Variants in KIRREL3 observed in about 807,000 individuals in gnomAD.
KIRREL3 encodes the protein kin of IRRE-like protein 3.
A neutral mutation model predicts 89.7 loss-of-function variants in KIRREL3; 36 were observed. That is an observed-to-expected ratio of 0.40 (90% confidence interval 0.31 to 0.53). The LOEUF (loss-of-function observed/expected upper bound fraction) is 0.53. Among genes scored for constraint, KIRREL3 ranks in the 20% least tolerant of loss-of-function variants. KIRREL3 has a pLI of 0.49. For synonymous variants in KIRREL3, 445 were observed against 441.4 expected, an observed-to-expected ratio of 1.01 and a Z score of -0.10; for missense variants, 864 against 1,056.6, an observed-to-expected ratio of 0.82 and a Z score of 2.53.
At chr11:126,841,331 A>C (rs902341644) in intron 1 of KIRREL3, among the ~76,000 whole-genome samples, 1 of 152,308 alleles carries the variant, frequency 6.6e-6, no homozygotes, top group Non-Finnish European at 1.5e-5. Context: ...CCCTAGGCAG[A>C]GCGAGGCGTG....
At chr11:126,707,013 G>A (rs1308229295) in intron 1 of KIRREL3, among the ~76,000 whole-genome samples, 1 of 151,182 alleles carries the variant, frequency 6.6e-6, no homozygotes, top group African/African-American at 2.4e-5. Context: ...GAATGCAATG[G>A]TGTGATCATA....
At position 126,689,346 on chromosome 11, in the gene KIRREL3, T is replaced by C. The variant is rs899521681; in HGVS notation, c.56-126434A>G. Among the ~76,000 whole-genome samples, 1 of 152,214 alleles carries C rather than the reference T, an allele frequency of 6.6e-6. No homozygotes were observed. The highest frequency in any genetic ancestry group is 1.5e-5 in the Non-Finnish European group (1 of 68,042). ...TTGGAAGATGAGGCTGACCAGGCCA[T>C]GGAGCTGCCCAGACCCCCTGGGAGC... On this transcript the variant is annotated intron_variant, in intron 1 of 16. Transcript: ENST00000525144. The surrounding 1 kb of genome is among the most constrained non-coding windows in gnomAD (Gnocchi z 5.2).
intron 1 of KIRREL3, among the ~76,000 whole-genome samples, chr11:126,840,587 A>G (rs899323501): frequency 1.3e-5 from 2 of 152,178 alleles, no homozygotes; most frequent in Non-Finnish European, 2.9e-5. Flanking sequence ...GTGGACTGAA[A>G]ATATATGTGG....
At position 126,431,223 on chromosome 11, in the gene KIRREL3, A is replaced by C; in HGVS notation, c.1696+196T>G. 6.6e-7 allele frequency: 1 copy of C among 1,508,424 alleles called. No individual in the cohort carries two copies. Among genetic ancestry groups the C allele is most frequent in the Non-Finnish European group, 8.9e-7 (1 of 1,123,394 alleles). 93.4% of individuals were successfully genotyped at this position (1,508,424 alleles called of 1,614,324 possible). A position where few individuals can be genotyped will look rare whatever the true frequency, so the allele number is the denominator to read the frequency against. On this transcript the variant is annotated intron_variant, in intron 14 of 16. Transcript: ENST00000525144. This position sits in a 1 kb window ranked among gnomAD's most constrained non-coding sequence, Gnocchi z 7.1. Reference sequence around the variant, plus strand: ...GTCTAGTCCAGGTCAACCTCAGCCTAGCGCCCACTCTGCCAGGCGCCATGT... The same window carrying C: ...GTCTAGTCCAGGTCAACCTCAGCCTCGCGCCCACTCTGCCAGGCGCCATGT...
At position 126,473,415 on chromosome 11, in the gene KIRREL3, G is replaced by A. The variant is rs200090559; in HGVS notation, c.485C>T (p.Ala162Val). Residue 162 changes from alanine (A) to valine (V), a missense_variant, in exon 5 of 17, where the codon GCG becomes GTG. Physicochemically the swap from Ala to Val is moderately conservative, Grantham distance 64. Transcript: ENST00000525144. The part of the protein sequence containing the change: ...ILGGPVISLR[A>V]GDPLNLTCHA... ...GCAGGTGAGGTTGAGAGGGTCCCCC[G>A]CACGCAGGCTGATCACAGGGCCCCC... 30 of 1,583,010 alleles carry A rather than the reference G, an allele frequency of 1.9e-5. No individual in the cohort carries two copies. The highest frequency in any genetic ancestry group is 1.9e-4 in the African/African-American group (14 of 73,894).
Position 126,763,574 on chromosome 11 carries a change from C to T in KIRREL3, c.56-200662G>A, listed in dbSNP as rs1202664054. On this transcript the variant is annotated intron_variant, in intron 1 of 16. Transcript: ENST00000525144. This position sits in a 1 kb window ranked among gnomAD's most constrained non-coding sequence, Gnocchi z 4.7. The stretch of plus-strand genomic sequence containing the variant: ...GGAACAAGTTACCCAAGAAATGTGC[C>T]CAGGCTGAGGGACCAAGGCCCAGCG... Among the ~76,000 whole-genome samples, 1 of 152,150 alleles carries T rather than the reference C, an allele frequency of 6.6e-6. No individual in the cohort carries two copies. The highest frequency in any genetic ancestry group is 1.5e-5 in the Non-Finnish European group (1 of 68,026).
In KIRREL3 at chr11:126,610,586, G is replaced by A. The variant is rs892185445; in HGVS notation, c.56-47674C>T. On this transcript the variant is annotated intron_variant, in intron 1 of 16. Transcript: ENST00000525144. This position sits in a 1 kb window ranked among gnomAD's most constrained non-coding sequence, Gnocchi z 4.6. ...GGCGTAGAGCACTCAACAAATGCCAGGCACTGGGGCTATAATCACATGGGG... is the reference window on the plus strand; with the variant it reads ...GGCGTAGAGCACTCAACAAATGCCAAGCACTGGGGCTATAATCACATGGGG... The A allele has an allele frequency of 3.3e-5, 5 of 152,236 alleles. No individual in the cohort carries two copies. The highest frequency in any genetic ancestry group is 1.2e-4 in the African/African-American group (5 of 41,452). The allele number at this position is 152,236 out of a possible 1,614,324, so 9.4% of individuals were successfully genotyped here. A position where few individuals can be genotyped will look rare whatever the true frequency, so the allele number is the denominator to read the frequency against.
At chr11:126,935,660 A>G (rs1483471360) in intron 1 of KIRREL3, 5 of 152,228 alleles carry the variant, frequency 3.3e-5, no homozygotes, top group Admixed American at 6.5e-5. Context: ...TTCCAACTAG[A>G]TGATATTCTG....
intron 4 of KIRREL3, among the ~76,000 whole-genome samples, 185 bp from the exon 5 acceptor site, chr11:126,473,651 G>A (rs978855516): frequency 3.3e-5 from 5 of 152,188 alleles, no homozygotes; most frequent in African/African-American, 4.8e-5. Context: ...TGTGCACTGC[G>A]TGCTTACAGT....
At chr11:126,631,704 G>A (rs1197382287) in intron 1 of KIRREL3, among the ~76,000 whole-genome samples, 1 of 152,166 alleles carries the variant, frequency 6.6e-6, no homozygotes, top group African/African-American at 2.4e-5. Flanking sequence ...ACTTTTGTTA[G>A]CACTTTGTAG....
Position 126,562,711 on chromosome 11 carries a change from T to C in KIRREL3, c.133+124A>G, listed in dbSNP as rs1357687678. 2.9e-5 allele frequency: 20 copies of C among 691,344 alleles called. No homozygotes were observed. Among genetic ancestry groups the C allele is most frequent in the Non-Finnish European group, 4.2e-5 (17 of 409,472 alleles). 42.8% of individuals were successfully genotyped at this position (691,344 alleles called of 1,614,324 possible). ...AATGGCTTCATGGAAACCAAACTGGTCTTCCCACTGTCCCCTTCTGAGAGG... is the reference window on the plus strand; with the variant it reads ...AATGGCTTCATGGAAACCAAACTGGCCTTCCCACTGTCCCCTTCTGAGAGG... On this transcript the variant is annotated intron_variant, in intron 2 of 16. Transcript: ENST00000525144. The surrounding 1 kb of genome is among the most constrained non-coding windows in gnomAD (Gnocchi z 4.7).
intron 1 of KIRREL3, among the ~76,000 whole-genome samples, chr11:126,673,004 T>C (rs965677030): frequency 2.5e-4 from 38 of 152,358 alleles, no homozygotes; most frequent in Admixed American, 1.2e-3. Context: ...CCTCATCTCC[T>C]GGCCCTCCTC....
rs566631138 is a variant in KIRREL3 at position 126,613,645 on chromosome 11, C to T, written c.56-50733G>A. 2.0e-5 allele frequency among the ~76,000 whole-genome samples: 3 copies of T among 152,066 alleles called. No homozygotes were observed. In the East Asian group the frequency reaches 5.8e-4, roughly 29 times the overall value. On this transcript the variant is annotated intron_variant, in intron 1 of 16. Transcript: ENST00000525144. ...TCTTCTATTAGGTGAAAGAATATTG[C>T]AGTAGAGAAAGAAGGAAAAAGAAAA...
intron 1 of KIRREL3, among the ~76,000 whole-genome samples, chr11:126,822,981 G>A (rs1441237880): frequency 6.6e-6 from 1 of 152,166 alleles, no homozygotes; most frequent in Non-Finnish European, 1.5e-5. Context: ...ACCTCTTAAA[G>A]GGAGGAATGT....
At position 126,645,139 on chromosome 11, in the gene KIRREL3, C is replaced by T. The variant is rs139381528; in HGVS notation, c.56-82227G>A. Among the ~76,000 whole-genome samples, 148 of 152,026 alleles carry T rather than the reference C, an allele frequency of 9.7e-4. No individual in the cohort carries two copies. The highest frequency in any genetic ancestry group is 2.5e-3 in the African/African-American group (105 of 41,454). On this transcript the variant is annotated intron_variant, in intron 1 of 16. Coordinates refer to ENST00000525144, the MANE Select transcript of KIRREL3 (RefSeq NM_032531.4). This position sits in a 1 kb window ranked among gnomAD's most constrained non-coding sequence, Gnocchi z 4.9. The stretch of plus-strand genomic sequence containing the variant: ...TATCGCAAGAGGGGTGCAGACTGGG[C>T]GTTATGAAGGAAAAAGCTGGAGGAA...
chr11:126,852,201 G>T (rs139959138), intron 1 of KIRREL3, among the ~76,000 whole-genome samples: 1 of 151,946 alleles, frequency 6.6e-6, no homozygotes, highest in Admixed American at 6.6e-5. Context: ...CCACAGGTGC[G>T]TGCCACCACG....
chr11:126,923,174 TTC>T (rs771251937), intron 1 of KIRREL3, among the ~76,000 whole-genome samples: 7,393 of 19,196 alleles, frequency 0.39, 2,317 homozygotes, highest in Middle Eastern at 0.57. Context: ...CTTCTTCTTC[TTC>T]TCTTCTTCTT....
intron 1 of KIRREL3, among the ~76,000 whole-genome samples, chr11:126,675,233 C>T (rs1946134685): frequency 6.6e-6 from 1 of 152,208 alleles, no homozygotes; most frequent in African/African-American, 2.4e-5. Flanking sequence ...AATGATCTGA[C>T]CTTCTATGTT....
intron 1 of KIRREL3, among the ~76,000 whole-genome samples, chr11:126,781,095 G>A (rs976243028): frequency 2.0e-5 from 3 of 152,272 alleles, no homozygotes; most frequent in Non-Finnish European, 2.9e-5. Context: ...GTGTGGACGT[G>A]CATGTGGTGT....
Sources: gnomAD v4.1 joint callset for allele counts (sites outside exome capture counted in the v4.1 genomes callset) on GRCh38, gnomAD v4.1.1 for gene constraint, Gnocchi (gnomAD v3.1) non-coding constraint, MANE v1.5 for transcripts, NCBI Gene and HGNC (gene_info 2026-07-23, HGNC 2026-07-21) for gene names.